The following THSD4 variants were observed in gnomAD, a reference collection of about 807,000 sequenced individuals.
THSD4 encodes thrombospondin type 1 domain containing 4, also known as thrombospondin type-1 domain-containing protein 4.
In THSD4, 69 loss-of-function variants were observed where a neutral mutation model predicts 119.0. The observed-to-expected ratio is 0.58, with a 90% CI of 0.48 to 0.71. The LOEUF is 0.71. Among genes scored for constraint, THSD4 ranks in the 30% least tolerant of loss-of-function variants. THSD4 has a pLI of 0.00. For synonymous variants in THSD4, 524 were observed against 540.4 expected (o/e 0.97, Z 0.42); for missense variants, 1,393 against 1,391.1 (o/e 1.00, Z -0.02).
At chr15:71,135,050 A>G (rs866567614) in intron 1 of THSD4, among the ~76,000 whole-genome samples, 11 of 146,296 alleles carry the variant, frequency 7.5e-5, no homozygotes, top group African/African-American at 2.3e-4. Context: ...AAAAATGATG[A>G]GTTCATGTCC....
chr15:71,348,632 G>A (rs2045701431), intron 6 of THSD4, among the ~76,000 whole-genome samples: 1 of 152,230 alleles, frequency 6.6e-6, no homozygotes, highest in African/African-American at 2.4e-5. Flanking sequence ...CTGTTTTATA[G>A]TCACACCTAA....
intron 6 of THSD4, among the ~76,000 whole-genome samples, chr15:71,335,998 A>G (rs963245373): frequency 2.0e-5 from 3 of 152,188 alleles, no homozygotes; most frequent in Admixed American, 6.5e-5. Context: ...AACACAGTCA[A>G]TGAAAAAAAG....
intron 4 of THSD4, among the ~76,000 whole-genome samples, chr15:71,218,119 A>G (rs1177363277): frequency 6.6e-6 from 1 of 152,112 alleles, no homozygotes; most frequent in Non-Finnish European, 1.5e-5. Context: ...CCTATAAGAG[A>G]GTTGCTAATA....
chr15:71,627,394 G>A (rs1329336758), intron 7 of THSD4, among the ~76,000 whole-genome samples: 1 of 152,194 alleles, frequency 6.6e-6, no homozygotes, highest in Non-Finnish European at 1.5e-5. Context: ...GCATCAAAGG[G>A]CCAGTGCTAC....
At chr15:71,743,887 G>A (rs553478113) in intron 11 of THSD4, among the ~76,000 whole-genome samples, 2 of 152,230 alleles carry the variant, frequency 1.3e-5, no homozygotes, top group Admixed American at 6.5e-5. Context: ...ATTGTAAGGA[G>A]TTGGAACTTC....
chr15:71,141,721 C>T (rs1673624388), intron 2 of THSD4, among the ~76,000 whole-genome samples, 165 bp downstream of exon 2: 1 of 152,298 alleles, frequency 6.6e-6, no homozygotes, highest in Non-Finnish European at 1.5e-5. Context: ...AGAAGGGCCT[C>T]CAAGGCCTTG....
intron 6 of THSD4, among the ~76,000 whole-genome samples, chr15:71,291,329 G>A (rs960860468): frequency 1.3e-5 from 2 of 152,120 alleles, no homozygotes; most frequent in African/African-American, 4.8e-5. Context: ...ATAGAAATAG[G>A]TTCATTATAA....
intron 1 of THSD4, among the ~76,000 whole-genome samples, chr15:71,124,765 A>T (rs1258171161): frequency 1.3e-5 from 2 of 152,196 alleles, no homozygotes; most frequent in South Asian, 2.1e-4. Flanking sequence ...TACCCTGGCT[A>T]GGCACGGTGG....
intron 7 of THSD4, among the ~76,000 whole-genome samples, chr15:71,616,075 G>C (rs2050314045): frequency 1.3e-5 from 2 of 152,046 alleles, no homozygotes. Context: ...AAAACTGTAA[G>C]ACTAAAGATG....
intron 8 of THSD4, among the ~76,000 whole-genome samples, chr15:71,727,546 AAAAAAAAATATATATATATATATATAT>A (rs1488444222): frequency 2.0e-5 from 2 of 100,854 alleles, no homozygotes; most frequent in African/African-American, 9.7e-5. Flanking sequence ...AAAAAAAAAA[AAAAAAAAATATATATATATATATATAT>A]ATATATATAT....
intron 17 of THSD4, among the ~76,000 whole-genome samples, chr15:71,776,937 A>G (rs1269408521): frequency 6.6e-6 from 1 of 152,188 alleles, no homozygotes; most frequent in Non-Finnish European, 1.5e-5. Context: ...ATGTTTGGGG[A>G]TAAGAAACGC....
chr15:71,228,380 G>A (rs1409109466), intron 4 of THSD4, among the ~76,000 whole-genome samples: 2 of 151,826 alleles, frequency 1.3e-5, no homozygotes, highest in Non-Finnish European at 2.9e-5. Context: ...TCTGAAAGGA[G>A]CATGGCCCTG....
chr15:71,193,626 C>T (rs560760609), intron 3 of THSD4, among the ~76,000 whole-genome samples: 3 of 152,138 alleles, frequency 2.0e-5, no homozygotes, highest in East Asian at 3.9e-4. Context: ...GGGAGGGACC[C>T]GGTAGAGATC....
intron 4 of THSD4, 54 bp downstream of exon 4, chr15:71,215,453 C>T: frequency 6.9e-7 from 1 of 1,441,136 alleles, no homozygotes; most frequent in Non-Finnish European, 9.2e-7. Context: ...AGTATCTGCC[C>T]CTGTCCCTGC....
intron 7 of THSD4, among the ~76,000 whole-genome samples, chr15:71,620,767 C>T (rs1036827368): frequency 6.6e-6 from 1 of 152,144 alleles, no homozygotes; most frequent in Non-Finnish European, 1.5e-5. Context: ...ACTTTGCCCA[C>T]CCCTCCAACA....
chr15:71,526,677 C>T (rs1326914216), intron 7 of THSD4, among the ~76,000 whole-genome samples: 1 of 152,194 alleles, frequency 6.6e-6, no homozygotes, highest in Non-Finnish European at 1.5e-5. Flanking sequence ...AATGTCGAGA[C>T]TTTGATTTGA....
chr15:71,330,925 C>A (rs1017273002), intron 6 of THSD4, among the ~76,000 whole-genome samples: 1 of 152,224 alleles, frequency 6.6e-6, no homozygotes, highest in African/African-American at 2.4e-5. Context: ...GACATGGACA[C>A]TAACCCGTTT....
chr15:71,669,647 G>T (rs989246561), intron 8 of THSD4, among the ~76,000 whole-genome samples: 1 of 152,130 alleles, frequency 6.6e-6, no homozygotes, highest in African/African-American at 2.4e-5. Context: ...ATCCTTAGTT[G>T]TCAGTTTATA....
At chr15:71,754,850 A>G (rs2053510793) in intron 14 of THSD4, among the ~76,000 whole-genome samples, 1 of 152,218 alleles carries the variant, frequency 6.6e-6, no homozygotes. Context: ...ATTATATACC[A>G]TTTTAACAAA....
Sources: gnomAD v4.1 joint callset for allele counts (sites outside exome capture counted in the v4.1 genomes callset) on GRCh38, gnomAD v4.1.1 for gene constraint, MANE v1.5 for transcripts, NCBI Gene and HGNC (gene_info 2026-07-23, HGNC 2026-07-21) for gene names.